Variants in CSMD1 observed in about 807,000 individuals in gnomAD.
CSMD1 encodes the protein CUB and Sushi multiple domains 1, also known as CUB and sushi domain-containing protein 1.
A neutral mutation model predicts 417.5 loss-of-function variants in CSMD1; 213 were observed. That is an observed-to-expected ratio of 0.51 (90% CI 0.46 to 0.57). The LOEUF (loss-of-function observed/expected upper bound fraction) is 0.57, where lower values mean the gene tolerates loss of function less well. Among genes scored for constraint, CSMD1 ranks in the 20% least tolerant of loss-of-function variants. The pLI is 0.00. For synonymous variants in CSMD1, 2,862 were observed against 1,736.8 expected, an observed-to-expected ratio of 1.65 and a Z score of -16.11; for missense variants, 6,923 against 4,529.7, an observed-to-expected ratio of 1.53 and a Z score of -15.17.
chr8:3,122,665 G>A (rs187527283), intron 41 of CSMD1, among the ~76,000 whole-genome samples: 2 of 152,192 alleles, frequency 1.3e-5, no homozygotes, highest in Non-Finnish European at 2.9e-5. Flanking sequence ...TTTATCAGGG[G>A]TTTCCACTTT....
At chr8:3,321,114 C>T (rs368389508) in intron 23 of CSMD1, among the ~76,000 whole-genome samples, 4 of 152,228 alleles carry the variant, frequency 2.6e-5, no homozygotes, top group Admixed American at 6.5e-5. Flanking sequence ...AACCTAGCCA[C>T]CGAAGGCGTG....
intron 3 of CSMD1, among the ~76,000 whole-genome samples, chr8:4,414,554 T>C (rs77655724): frequency 0.028 from 4,319 of 152,292 alleles, 102 homozygotes; most frequent in African/African-American, 0.067. Flanking sequence ...CTACGATCCA[T>C]ACTATAGATC....
At chr8:3,061,571 G>A (rs1246756442) in intron 49 of CSMD1, among the ~76,000 whole-genome samples, 1 of 152,092 alleles carries the variant, frequency 6.6e-6, no homozygotes, top group Non-Finnish European at 1.5e-5. Flanking sequence ...GGTTGACAGT[G>A]TCTCCTCAAT....
intron 10 of CSMD1, among the ~76,000 whole-genome samples, chr8:3,506,377 G>A (rs993995497): frequency 2.0e-5 from 3 of 152,170 alleles, no homozygotes; most frequent in Non-Finnish European, 4.4e-5. Context: ...AACACTGGAG[G>A]TAGGGGAGTA....
intron 1 of CSMD1, among the ~76,000 whole-genome samples, chr8:4,686,130 C>T (rs1043880922): frequency 6.6e-6 from 1 of 151,994 alleles, no homozygotes; most frequent in South Asian, 2.1e-4. Context: ...TTTGAGATGC[C>T]AAATTATGTG....
rs963529986 is a variant in CSMD1 at position 4,742,339 on chromosome 8, T to A, written c.86-104781A>T. The stretch of plus-strand genomic sequence containing the variant: ...GCCACTGCACCTGACCAAGGCTGAA[T>A]TTTGAGAAGCACATCTCTAAGCCAC... On this transcript the variant is annotated intron_variant, in intron 1 of 69. Transcript: ENST00000635120. Among the ~76,000 whole-genome samples, 3 of 151,968 alleles carry A rather than the reference T, an allele frequency of 2.0e-5. No individual in the cohort carries two copies. The East Asian group carries it at 5.8e-4, about 30-fold the overall frequency.
At position 4,431,950 on chromosome 8, in the gene CSMD1, T is replaced by C. The variant is rs1481537919; in HGVS notation, c.303-11885A>G. ...GAATTACTTCAAATAAACACAGTAT[T>C]GTTTTAAAAGCCACGGCAGTAACTT... is the stretch of plus-strand genomic sequence containing the variant. On this transcript the variant is annotated intron_variant, in intron 2 of 69. Coordinates refer to ENST00000635120, the MANE Select transcript of CSMD1 (RefSeq NM_033225.6). 2.0e-5 allele frequency among the ~76,000 whole-genome samples: 3 copies of C among 152,222 alleles called. 1 individual carries two copies. Among genetic ancestry groups the C allele is most frequent in the Admixed American group, 2.0e-4 (3 of 15,282 alleles).
intron 1 of CSMD1, among the ~76,000 whole-genome samples, chr8:4,682,510 T>A (rs1335174462): frequency 6.6e-6 from 1 of 152,172 alleles, no homozygotes; most frequent in East Asian, 1.9e-4. Context: ...GGAAAAAGAA[T>A]GTTTTTCATT....
At chr8:3,185,421 G>T (rs951793812) in intron 36 of CSMD1, among the ~76,000 whole-genome samples, 1 of 152,100 alleles carries the variant, frequency 6.6e-6, no homozygotes, top group African/African-American at 2.4e-5. Context: ...CCATCATGCA[G>T]CTGTCTTAAT....
intron 1 of CSMD1, among the ~76,000 whole-genome samples, chr8:4,906,358 A>T (rs1454129306): frequency 6.6e-6 from 1 of 152,202 alleles, no homozygotes; most frequent in Non-Finnish European, 1.5e-5. Context: ...TCTTGCATAC[A>T]ACTTATGTTA....
intron 3 of CSMD1, among the ~76,000 whole-genome samples, chr8:4,400,973 A>C (rs1341594173): frequency 6.6e-6 from 1 of 152,188 alleles, no homozygotes; most frequent in African/African-American, 2.4e-5. Context: ...TATATTCCCT[A>C]AGTATTTTAA....
chr8:3,373,293 A>G (rs530732102), intron 18 of CSMD1: 7 of 152,298 alleles, frequency 4.6e-5, no homozygotes, highest in African/African-American at 1.7e-4. Flanking sequence ...TTTTCCCTCC[A>G]TACCACACAC....
intron 26 of CSMD1, among the ~76,000 whole-genome samples, chr8:3,237,852 CTATAAATATAATTTTTATAATTA>C (rs1563171857): frequency 5.2e-5 from 4 of 77,436 alleles, no homozygotes; most frequent in African/African-American, 2.1e-4. Flanking sequence ...TATACTTATA[CTATAAATATAATTTTTATAATTA>C]TACTATAAAT....
chr8:4,830,030 G>C (rs1230687583), intron 1 of CSMD1, among the ~76,000 whole-genome samples: 2 of 152,152 alleles, frequency 1.3e-5, no homozygotes, highest in African/African-American at 4.8e-5. Context: ...CCTTCTCTAA[G>C]GCACTAATCA....
At chr8:3,513,507 A>G (rs953547645) in intron 10 of CSMD1, among the ~76,000 whole-genome samples, 4 of 152,030 alleles carry the variant, frequency 2.6e-5, no homozygotes, top group Non-Finnish European at 5.9e-5. Flanking sequence ...GTGTGAGTCA[A>G]TACTCCTTAA....
At chr8:4,605,067 G>A (rs1800795277) in intron 2 of CSMD1, among the ~76,000 whole-genome samples, 1 of 152,222 alleles carries the variant, frequency 6.6e-6, no homozygotes, top group African/African-American at 2.4e-5. Context: ...TCTAACTCCT[G>A]CTAAGCTAAT....
At chr8:3,101,218 T>G (rs554136492) in intron 46 of CSMD1, among the ~76,000 whole-genome samples, 3 of 152,310 alleles carry the variant, frequency 2.0e-5, no homozygotes, top group Admixed American at 1.3e-4. Context: ...CAAAACACCC[T>G]GAGAGCAAGC....
In CSMD1 at chr8:4,225,580, T is replaced by C. The variant is rs550411997; in HGVS notation, c.416-193481A>G. 2.0e-5 allele frequency among the ~76,000 whole-genome samples: 3 copies of C among 151,710 alleles called. No individual in the cohort carries two copies. In the South Asian group the frequency reaches 6.3e-4, roughly 32 times the overall value. On this transcript the variant is annotated intron_variant, in intron 3 of 69. Coordinates refer to ENST00000635120, the MANE Select transcript of CSMD1 (RefSeq NM_033225.6). ...CATGGCTGTTAAGAGCCTAAATACA[T>C]CACATTTTTATTTGGGAGGAAATAT...
chr8:4,042,149 A>C (rs1157943579), intron 3 of CSMD1, among the ~76,000 whole-genome samples: 1 of 152,212 alleles, frequency 6.6e-6, no homozygotes, highest in Non-Finnish European at 1.5e-5. Context: ...TTCAAAATTT[A>C]CTAAAACAGT....
Sources: gnomAD v4.1 joint callset for allele counts (sites outside exome capture counted in the v4.1 genomes callset) on GRCh38, gnomAD v4.1.1 for gene constraint, MANE v1.5 for transcripts, NCBI Gene and HGNC (gene_info 2026-07-23, HGNC 2026-07-21) for gene names.